The following PUDP variants were observed in gnomAD, a reference collection of about 807,000 sequenced individuals.
PUDP encodes pseudouridine 5'-phosphatase, also known as pseudouridine-5'-phosphatase.
Under a neutral mutation model 9.4 loss-of-function variants are expected in PUDP, and 8 were observed. That is an observed-to-expected ratio of 0.85 (90% CI 0.50 to 1.53). The LOEUF (loss-of-function observed/expected upper bound fraction) is 1.53, where lower values mean the gene tolerates loss of function less well. Among genes scored for constraint, PUDP ranks in the 40% most tolerant of loss-of-function variants. The pLI, the probability that PUDP is intolerant of heterozygous loss-of-function variation, is 0.00. For missense variants in PUDP, 188 were observed against 189.7 expected (o/e 0.99, Z 0.05); for synonymous variants, 99 against 80.7 (o/e 1.23, Z -1.22).
chrX:6,954,418 C>G (rs1259196739), intron 3 of PUDP, among the ~76,000 whole-genome samples: 1 of 110,797 alleles, frequency 9.0e-6, no homozygotes, highest in African/African-American at 3.3e-5. Flanking sequence ...TGGCTGGAAC[C>G]ATGCACTGCA....
At chrX:6,790,873 T>G (rs1032498268) in intron 3 of PUDP, among the ~76,000 whole-genome samples, 6 of 112,291 alleles carry the variant, frequency 5.3e-5, no homozygotes, top group Non-Finnish European at 1.1e-4. Context: ...GTTTAGCAGA[T>G]GTAGACTTGA....
chrX:7,108,316 C>T (rs1016397059), intron 1 of PUDP, among the ~76,000 whole-genome samples: 1 of 112,195 alleles, frequency 8.9e-6, no homozygotes. Context: ...CCAGGGCTCA[C>T]TGCACTTGCC....
intron 3 of PUDP, among the ~76,000 whole-genome samples, chrX:6,873,209 T>C (rs1220380817): frequency 8.9e-6 from 1 of 111,758 alleles, no homozygotes; most frequent in African/African-American, 3.2e-5. Flanking sequence ...TAATATTAAC[T>C]AGCTTTGACT....
intron 3 of PUDP, among the ~76,000 whole-genome samples, chrX:6,850,214 C>G (rs1190098935): frequency 1.8e-5 from 2 of 111,988 alleles, no homozygotes; most frequent in African/African-American, 6.5e-5. Context: ...CAAACACTTT[C>G]ACTACATGCT....
At chrX:7,013,517 G>A (rs1176753161) in intron 1 of PUDP, among the ~76,000 whole-genome samples, 5 of 112,491 alleles carry the variant, frequency 4.4e-5, no homozygotes, top group Non-Finnish European at 9.4e-5. Context: ...TGTCAGCTTT[G>A]CTGAGTGTCT....
intron 3 of PUDP, among the ~76,000 whole-genome samples, chrX:6,934,106 C>T (rs1234913734): frequency 9.8e-6 from 1 of 101,799 alleles, no homozygotes; most frequent in African/African-American, 3.6e-5. Flanking sequence ...GGCAGGCCAA[C>T]GTTCAGATTC....
At chrX:6,789,616 G>A (rs150738288) in intron 3 of PUDP, among the ~76,000 whole-genome samples, 168 of 111,363 alleles carry the variant, frequency 1.5e-3, no homozygotes, top group Middle Eastern at 4.6e-3. Context: ...AAGCTGGAGC[G>A]CTGATGGTTA....
chrX:6,813,231 G>T (rs1926173680), intron 3 of PUDP, among the ~76,000 whole-genome samples: 1 of 107,359 alleles, frequency 9.3e-6, no homozygotes, highest in East Asian at 3.0e-4. Flanking sequence ...GGGAGGGAGG[G>T]GACTTGGTCC....
At chrX:6,989,777 C>G (rs952384129) in intron 1 of PUDP, 2 of 112,631 alleles carry the variant, frequency 1.8e-5, no homozygotes, top group Non-Finnish European at 3.7e-5. Context: ...ACAAACCAGA[C>G]AAGTAATCGT....
intron 1 of PUDP, among the ~76,000 whole-genome samples, chrX:7,000,615 G>T (rs190355440): frequency 9.2e-6 from 1 of 108,147 alleles, no homozygotes; most frequent in Non-Finnish European, 1.9e-5. Context: ...TATATAAATA[G>T]AAACAAATAT....
At chrX:7,009,718 A>C (rs1347724810) in intron 1 of PUDP, among the ~76,000 whole-genome samples, 2 of 111,319 alleles carry the variant, frequency 1.8e-5, no homozygotes, top group Admixed American at 1.9e-4. Context: ...ATTTGGGGTA[A>C]ATAGTGAACA....
At chrX:6,888,497 A>C (rs1475314812) in intron 3 of PUDP, among the ~76,000 whole-genome samples, 1 of 109,167 alleles carries the variant, frequency 9.2e-6, no homozygotes. Context: ...AAAATACAAA[A>C]AAATTAGCCA....
intron 1 of PUDP, among the ~76,000 whole-genome samples, chrX:7,144,059 C>T (rs762186212): frequency 1.9e-4 from 21 of 112,102 alleles, no homozygotes; most frequent in Non-Finnish European, 3.6e-4. Flanking sequence ...ATTGTGATTA[C>T]GATCTCATTC....
chrX:7,064,733 A>G (rs1178021606), intron 3 of PUDP, among the ~76,000 whole-genome samples: 1 of 111,741 alleles, frequency 8.9e-6, no homozygotes, highest in Non-Finnish European at 1.9e-5. Flanking sequence ...ACAGTATGTG[A>G]TTAAACTATA....
In PUDP at chrX:6,731,923, A is replaced by G. The variant is rs746712902; in HGVS notation, c.*248-25457T>C. Among the ~76,000 whole-genome samples, 3 of 112,062 alleles carry G rather than the reference A, an allele frequency of 2.7e-5. No homozygotes were observed. In the East Asian group the frequency reaches 8.4e-4, roughly 31 times the overall value. ...GATAATGTTAAATGCAGGAGAAGTT[A>G]CAATATAACGACTGTAGACAGGTCC... On this transcript the variant is annotated intron_variant and NMD_transcript_variant, in intron 3 of 3. Coordinates refer to the PUDP transcript ENST00000655425.
At chrX:6,728,979 G>A (rs1467622077) in intron 3 of PUDP, among the ~76,000 whole-genome samples, 1 of 111,224 alleles carries the variant, frequency 9.0e-6, no homozygotes. Flanking sequence ...AGAATGCCCT[G>A]CAATTTGGGC....
At chrX:6,747,250 T>C (rs1357651842) in intron 3 of PUDP, among the ~76,000 whole-genome samples, 1 of 112,125 alleles carries the variant, frequency 8.9e-6, no homozygotes, top group African/African-American at 3.2e-5. Context: ...ACACGGGCAG[T>C]GTCTGTGCTT....
chrX:6,824,451 A>T (rs1926394833), intron 3 of PUDP, among the ~76,000 whole-genome samples: 1 of 111,341 alleles, frequency 9.0e-6, no homozygotes, highest in Admixed American at 9.6e-5. Context: ...CCTGTGACTT[A>T]GAATGTCTAA....
intron 3 of PUDP, among the ~76,000 whole-genome samples, chrX:7,071,562 T>C (rs7884515): frequency 0.024 from 2,649 of 111,088 alleles, 50 homozygotes; most frequent in African/African-American, 0.053. Context: ...TTCTTCTCTG[T>C]AAAAACGCTG....
Sources: gnomAD v4.1 joint callset for allele counts (sites outside exome capture counted in the v4.1 genomes callset) on GRCh38, gnomAD v4.1.1 for gene constraint, MANE v1.5 for transcripts, NCBI Gene and HGNC (gene_info 2026-07-23, HGNC 2026-07-21) for gene names.